The following CERKL variants were observed in gnomAD, a reference collection of about 807,000 sequenced individuals.
CERKL encodes ceramide kinase-like protein.
In CERKL, 61 loss-of-function variants were observed where a neutral mutation model predicts 63.4. The ratio of observed to expected loss-of-function variants is 0.96; its 90% confidence interval spans 0.78 to 1.19. The LOEUF (loss-of-function observed/expected upper bound fraction) is 1.19, where lower values mean the gene tolerates loss of function less well. Among genes scored for constraint, CERKL ranks in the 50% most tolerant of loss-of-function variants. The probability of loss-of-function intolerance (pLI) is 0.00; values close to 1 mark genes in which losing one functional copy is unlikely to be tolerated. For missense variants in CERKL, 675 were observed against 655.5 expected (o/e 1.03, Z -0.33); for synonymous variants, 250 against 230.5 (o/e 1.08, Z -0.77).
chr2:181,633,818 A>C (rs1171232831), intron 1 of CERKL, among the ~76,000 whole-genome samples: 4 of 152,204 alleles, frequency 2.6e-5, no homozygotes, highest in African/African-American at 9.6e-5. Context: ...AGTTTTGTAG[A>C]AATTCCACTT....
intron 5 of CERKL, among the ~76,000 whole-genome samples, chr2:181,553,394 T>C (rs1259817538): frequency 6.6e-6 from 1 of 152,178 alleles, no homozygotes; most frequent in African/African-American, 2.4e-5. Flanking sequence ...TGGATTACAG[T>C]ACTCCATGAA....
At chr2:181,623,062 C>A (rs898782886) in intron 1 of CERKL, among the ~76,000 whole-genome samples, 4 of 152,136 alleles carry the variant, frequency 2.6e-5, no homozygotes, top group Non-Finnish European at 5.9e-5. Flanking sequence ...AAAGTGAATG[C>A]TAAAATTTCA....
In CERKL at chr2:181,558,736, G is replaced by A. The variant is rs1248007366; in HGVS notation, c.678-28C>T. On this transcript the variant is annotated intron_variant, in intron 4 of 12. Coordinates refer to ENST00000410087, the MANE Select transcript of CERKL (RefSeq NM_201548.5). The surrounding 1 kb of genome is among the most constrained non-coding windows in gnomAD (Gnocchi z 4.2). ...AGAAAAATACAAATCAAGCAAAGAA[G>A]GCAAAACTTCAGAATGATTGGTAAT... 12 of 1,611,900 alleles carry A rather than the reference G, an allele frequency of 7.4e-6. No individual in the cohort carries two copies. The highest frequency in any genetic ancestry group is 1.0e-5 in the Non-Finnish European group (12 of 1,178,702).
At chr2:181,645,690 A>G (rs536111565) in intron 1 of CERKL, among the ~76,000 whole-genome samples, 19 of 152,346 alleles carry the variant, frequency 1.2e-4, no homozygotes, top group Admixed American at 1.1e-3. Flanking sequence ...CTCTTTCACT[A>G]TGCCCTTTTG....
At chr2:181,600,822 T>A (rs1006271890) in intron 2 of CERKL, among the ~76,000 whole-genome samples, 10 of 152,158 alleles carry the variant, frequency 6.6e-5, no homozygotes, top group African/African-American at 2.4e-4. Flanking sequence ...AACAAAGGTA[T>A]ACACTGGACT....
chr2:181,539,042 T>G, intron 12 of CERKL, 50 bp downstream of exon 12: 1 of 1,279,164 alleles, frequency 7.8e-7, no homozygotes, highest in Non-Finnish European at 1.1e-6. Context: ...GTTGTAATAT[T>G]AGATTTATGT....
chr2:181,570,296 G>C (rs145084902), intron 3 of CERKL, among the ~76,000 whole-genome samples: 1 of 152,222 alleles, frequency 6.6e-6, no homozygotes, highest in African/African-American at 2.4e-5. Context: ...CCACCCACAA[G>C]GAGAAAAATT....
intron 2 of CERKL, among the ~76,000 whole-genome samples, chr2:181,598,916 C>T (rs1258413407): frequency 6.6e-6 from 1 of 151,120 alleles, no homozygotes; most frequent in Non-Finnish European, 1.5e-5. Context: ...ATAGGAAATT[C>T]AAAAATAAGA....
intron 2 of CERKL, among the ~76,000 whole-genome samples, chr2:181,578,883 G>C (rs1353377849): frequency 6.6e-6 from 1 of 151,928 alleles, no homozygotes; most frequent in African/African-American, 2.4e-5. Context: ...TGCAATGAAT[G>C]CTATTCTCCA....
At position 181,548,837 on chromosome 2, in the gene CERKL, C is replaced by T. The variant is rs781692915; in HGVS notation, c.916G>A (p.Val306Ile). Reference protein sequence around the residue: ...IIMGHVQLVDVCTFSTAGKLL... With the variant: ...IIMGHVQLVDICTFSTAGKLL... ...TTGCCAGCGGTGCTGAAGGTGCAGACGTCGACCAGCTGTACATGCCCTTGA... is the reference window on the plus strand; with the variant it reads ...TTGCCAGCGGTGCTGAAGGTGCAGATGTCGACCAGCTGTACATGCCCTTGA... Residue 306 changes from valine (V) to isoleucine (I), a missense_variant, in exon 7 of 13, where the codon GTC becomes ATC. By Grantham distance (29) the Val-to-Ile change is conservative. Transcript: ENST00000410087. The T allele has an allele frequency of 1.7e-5, 27 of 1,613,814 alleles. No homozygotes were observed. Among genetic ancestry groups the T allele is most frequent in the African/African-American group, 6.7e-5 (5 of 74,924 alleles).
At chr2:181,565,487 G>A (rs1688624745) in intron 4 of CERKL, 5 of 1,611,160 alleles carry the variant, frequency 3.1e-6, no homozygotes, top group Non-Finnish European at 3.4e-6. Flanking sequence ...CCAATGTATT[G>A]CGAACAATGG....
intron 1 of CERKL, among the ~76,000 whole-genome samples, chr2:181,629,124 G>T (rs1686839479): frequency 6.6e-6 from 1 of 152,032 alleles, no homozygotes; most frequent in Admixed American, 6.6e-5. Context: ...TTTTCAATAT[G>T]ATTCAATAAT....
At chr2:181,642,380 T>C (rs977110733) in intron 1 of CERKL, among the ~76,000 whole-genome samples, 4 of 152,208 alleles carry the variant, frequency 2.6e-5, no homozygotes, top group Non-Finnish European at 5.9e-5. Context: ...AGAATATACT[T>C]TGCTCTACTA....
At position 181,550,503 on chromosome 2, in the gene CERKL, AATT is replaced by A. The variant is rs768819961; in HGVS notation, c.821-798_821-796del. ...TCCCAGGAGGCTAAAGAGAATTTAA[AATT>A]ATTAAGAACAGAATGAATGAAGCTA... On this transcript the variant is annotated intron_variant, in intron 5 of 12. Coordinates refer to ENST00000410087, the MANE Select transcript of CERKL (RefSeq NM_201548.5). The surrounding 1 kb of genome is among the most constrained non-coding windows in gnomAD (Gnocchi z 4.5). 5.3e-5 allele frequency among the ~76,000 whole-genome samples: 8 copies of A among 152,178 alleles called. No individual in the cohort carries two copies. Among genetic ancestry groups the A allele is most frequent in the Non-Finnish European group, 1.2e-4 (8 of 68,034 alleles).
chr2:181,549,540 G>T, intron 6 of CERKL, 94 bp downstream of exon 6: 1 of 993,640 alleles, frequency 1.0e-6, no homozygotes, highest in Non-Finnish European at 1.6e-6. Context: ...CAAAGAACCT[G>T]CCTTTTCTTA....
At chr2:181,622,356 A>G (rs2105919146) in intron 1 of CERKL, among the ~76,000 whole-genome samples, 1 of 152,260 alleles carries the variant, frequency 6.6e-6, no homozygotes, top group East Asian at 1.9e-4. Flanking sequence ...AGAGGCATCC[A>G]TTTTTATTTC....
At position 181,537,834 on chromosome 2, in the gene CERKL, C is replaced by G. The variant is rs1687243932; in HGVS notation, c.*350G>C. 6.2e-6 allele frequency: 3 copies of G among 486,384 alleles called. No individual in the cohort carries two copies. Among genetic ancestry groups the G allele is most frequent in the Middle Eastern group, 1.2e-3 (2 of 1,606 alleles). 30.1% of individuals were successfully genotyped at this position (486,384 alleles called of 1,614,324 possible). A position where few individuals can be genotyped will look rare whatever the true frequency, so the allele number is the denominator to read the frequency against. Reference sequence around the variant, plus strand: ...CCTAGAGGCTAATTGTTAGTAACATCAATTTCTATTAGGATATCCGTTTGG... The same window carrying G: ...CCTAGAGGCTAATTGTTAGTAACATGAATTTCTATTAGGATATCCGTTTGG... On this transcript the variant is annotated 3_prime_UTR_variant, in exon 13 of 13. Coordinates refer to ENST00000410087, the MANE Select transcript of CERKL (RefSeq NM_201548.5).
intron 1 of CERKL, among the ~76,000 whole-genome samples, chr2:181,605,656 T>C (rs2105896413): frequency 6.6e-6 from 1 of 152,086 alleles, no homozygotes; most frequent in East Asian, 1.9e-4. Context: ...TTTACAGGAA[T>C]AGAAAAAAAA....
intron 10 of CERKL, among the ~76,000 whole-genome samples, chr2:181,545,737 A>G (rs1687699808): frequency 6.6e-6 from 1 of 152,142 alleles, no homozygotes; most frequent in South Asian, 2.1e-4. Context: ...TCTTCTTCCC[A>G]ATTAAAAATA....
Sources: allele counts gnomAD v4.1 joint callset (sites outside exome capture counted in the v4.1 genomes callset), GRCh38; gene constraint gnomAD v4.1.1; non-coding constraint Gnocchi (gnomAD v3.1); transcripts MANE v1.5; gene names NCBI Gene and HGNC (gene_info 2026-07-23, HGNC 2026-07-21).